Variants in MORC1 observed in about 807,000 individuals in gnomAD.
MORC1 encodes the protein MORC family CW-type zinc finger 1, also known as MORC family CW-type zinc finger protein 1.
MORC1 carries 59 observed loss-of-function variants against 134.9 expected under a neutral mutation model. The ratio of observed to expected loss-of-function variants is 0.44; its 90% CI spans 0.35 to 0.54. MORC1 has a LOEUF of 0.54. MORC1 is among the 20% of genes least tolerant of loss of function. The probability of loss-of-function intolerance (pLI) is 0.00; values close to 1 mark genes in which losing one functional copy is unlikely to be tolerated. For synonymous variants in MORC1, 395 were observed against 391.7 expected (o/e 1.01, Z -0.10); for missense variants, 947 against 1,134.5 (o/e 0.83, Z 2.37).
chr3:109,108,857 G>A (rs1194656516), intron 3 of MORC1, among the ~76,000 whole-genome samples: 4 of 149,756 alleles, frequency 2.7e-5, no homozygotes, highest in Non-Finnish European at 5.9e-5. Context: ...CCGAGCTCGC[G>A]CCACTGCACT....
chr3:109,090,707 G>T (rs893293574), intron 8 of MORC1, among the ~76,000 whole-genome samples: 1 of 151,422 alleles, frequency 6.6e-6, no homozygotes, highest in African/African-American at 2.4e-5. Context: ...CTTCCCTGAG[G>T]CCAATACGGC....
chr3:109,054,823 T>C lies in MORC1; in HGVS notation c.1235A>G (p.His412Arg), dbSNP rs1949918160. Residue 412 changes from histidine to arginine, a missense_variant, in exon 14 of 28, where the codon CAT (histidine) becomes CGT (arginine). His to Arg is a conservative substitution (Grantham distance 29). Coordinates refer to ENST00000232603, the MANE Select transcript of MORC1 (RefSeq NM_014429.4). ...NIPLEVMEPS[H>R]NKQEFLNVQE... is the part of the protein sequence containing the mutation. ...GACATTGAGAAATTCCTGTTTATTA[T>C]GGGATGGTTCCATGACCTCCAAGGG... The C allele has an allele frequency of 6.2e-7, 1 of 1,608,256 alleles. No individual in the cohort carries two copies. Among genetic ancestry groups the C allele is most frequent in the African/African-American group, 1.3e-5 (1 of 74,562 alleles).
At chr3:109,110,836 T>A (rs763294025) in intron 2 of MORC1, 53 bp from the exon 3 acceptor site, 7 of 1,352,268 alleles carry the variant, frequency 5.2e-6, no homozygotes, top group Non-Finnish European at 7.2e-6. Flanking sequence ...ATTGCTTACA[T>A]AAGGTATAAC....
intron 8 of MORC1, among the ~76,000 whole-genome samples, chr3:109,077,122 G>A (rs1170378796): frequency 6.6e-6 from 1 of 151,958 alleles, no homozygotes; most frequent in Non-Finnish European, 1.5e-5. Flanking sequence ...TAGTTCTAAG[G>A]GAAACTATTT....
intron 6 of MORC1, among the ~76,000 whole-genome samples, chr3:109,096,207 T>A (rs905244765): frequency 6.6e-6 from 1 of 151,958 alleles, no homozygotes; most frequent in Non-Finnish European, 1.5e-5. Context: ...CAGAAAAAAA[T>A]TCAGTGAAAG....
intron 21 of MORC1, among the ~76,000 whole-genome samples, chr3:108,991,939 A>G (rs1342833020): frequency 6.6e-6 from 1 of 152,072 alleles, no homozygotes; most frequent in Non-Finnish European, 1.5e-5. Flanking sequence ...TTGTCTTTCT[A>G]TACTACGATT....
intron 8 of MORC1, among the ~76,000 whole-genome samples, chr3:109,092,751 T>C (rs1284735217): frequency 1.3e-5 from 2 of 152,314 alleles, no homozygotes; most frequent in Middle Eastern, 3.4e-3. Flanking sequence ...TCTCATTATA[T>C]TTCTATTGTA....
At position 109,093,472 on chromosome 3, in the gene MORC1, T is replaced by A. The variant is rs916122272; in HGVS notation, c.653A>T (p.Asp218Val). The change falls in exon 8 of 28, where the codon GAC becomes GTC. Residue 218 changes from aspartate (D) to valine (V), a missense_variant. Asp to Val is a radical substitution (Grantham distance 152, BLOSUM62 -3). Transcript: ENST00000232603. ...TCCAGCCATCAGTATATCTTCTTTG[T>A]CAGTTTTAACATCCAACTCTGGTTC... Reference protein sequence around the residue: ...NGEPELDVKTDKEDILMAGAL... With the variant: ...NGEPELDVKTVKEDILMAGAL... 4 of 1,613,770 alleles carry A rather than the reference T, an allele frequency of 2.5e-6. No individual in the cohort carries two copies. In the African/African-American group the frequency reaches 5.3e-5, roughly 22 times the overall value.
intron 21 of MORC1, among the ~76,000 whole-genome samples, chr3:108,988,560 T>C (rs1947957664): frequency 6.6e-6 from 1 of 152,182 alleles, no homozygotes; most frequent in Admixed American, 6.6e-5. Flanking sequence ...GACTAAAGAC[T>C]TTTCAGACCA....
intron 6 of MORC1, among the ~76,000 whole-genome samples, chr3:109,098,473 G>A (rs1019657184): frequency 6.6e-6 from 1 of 152,040 alleles, no homozygotes; most frequent in Non-Finnish European, 1.5e-5. Flanking sequence ...CCACCCACTG[G>A]CAGTCTCACA....
At chr3:109,067,693 T>C (rs1950228533) in intron 9 of MORC1, among the ~76,000 whole-genome samples, 1 of 152,204 alleles carries the variant, frequency 6.6e-6, no homozygotes, top group Non-Finnish European at 1.5e-5. Flanking sequence ...ATTGCTTTGA[T>C]ATTTATTAGG....
intron 17 of MORC1, among the ~76,000 whole-genome samples, chr3:109,012,999 T>C (rs1041273122): frequency 3.9e-5 from 6 of 152,202 alleles, no homozygotes; most frequent in African/African-American, 1.4e-4. Flanking sequence ...TGGGAGAACA[T>C]TGATTCTTTC....
At chr3:109,113,988 G>T (rs539588153) in intron 2 of MORC1, among the ~76,000 whole-genome samples, 1 of 152,284 alleles carries the variant, frequency 6.6e-6, no homozygotes, top group Non-Finnish European at 1.5e-5. Flanking sequence ...ATGTATGTCT[G>T]ATATATAGTA....
At chr3:108,979,183 A>C (rs1469787687) in intron 24 of MORC1, among the ~76,000 whole-genome samples, 1 of 152,194 alleles carries the variant, frequency 6.6e-6, no homozygotes, top group Non-Finnish European at 1.5e-5. Context: ...AACCAAAAAA[A>C]ACCCAGAGTT....
At chr3:109,104,866 AAC>A (rs5851642) in intron 3 of MORC1, among the ~76,000 whole-genome samples, 16,646 of 149,150 alleles carry the variant, frequency 0.11, 1,587 homozygotes, top group African/African-American at 0.26. Flanking sequence ...GACAAATTTT[AAC>A]ACACACACAC....
intron 14 of MORC1, among the ~76,000 whole-genome samples, chr3:109,038,331 A>T: frequency 6.8e-6 from 1 of 147,720 alleles, no homozygotes. Context: ...GTAGATTCTG[A>T]TATTAGTCCT....
At chr3:109,064,643 T>A (rs1950157641) in intron 9 of MORC1, among the ~76,000 whole-genome samples, 1 of 152,116 alleles carries the variant, frequency 6.6e-6, no homozygotes, top group Non-Finnish European at 1.5e-5. Flanking sequence ...ACAGAAAAAA[T>A]TAGCCCCCAG....
At chr3:108,964,116 C>G (rs1458066854) in intron 26 of MORC1, among the ~76,000 whole-genome samples, 1 of 152,162 alleles carries the variant, frequency 6.6e-6, no homozygotes, top group African/African-American at 2.4e-5. Flanking sequence ...AATTCCTGTT[C>G]TCACTCTCTT....
At chr3:108,963,715 C>G in intron 26 of MORC1, 107 bp from the exon 27 acceptor site, 1 of 747,248 alleles carries the variant, frequency 1.3e-6, no homozygotes, top group Non-Finnish European at 2.1e-6. Flanking sequence ...TACCAAGTGT[C>G]AACTTCGTAG....
Sources: gnomAD v4.1 joint callset for allele counts (sites outside exome capture counted in the v4.1 genomes callset) on GRCh38, gnomAD v4.1.1 for gene constraint, MANE v1.5 for transcripts, NCBI Gene and HGNC (gene_info 2026-07-23, HGNC 2026-07-21) for gene names.